The following TNN variants were observed in gnomAD, a reference collection of about 807,000 sequenced individuals.
TNN encodes the protein tenascin-N.
In TNN, 122 loss-of-function variants were observed where a neutral mutation model predicts 134.4. That is an observed-to-expected ratio of 0.91 (90% CI 0.78 to 1.06). TNN has a LOEUF of 1.06. Among genes scored for constraint, TNN ranks in the 50% least tolerant of loss-of-function variants. The pLI is 0.00. For missense variants in TNN, 1,739 were observed against 1,699.4 expected (o/e 1.02, Z -0.41); for synonymous variants, 710 against 670.3 (o/e 1.06, Z -0.91).
intron 17 of TNN, among the ~76,000 whole-genome samples, chr1:175,143,023 C>A (rs905973311): frequency 1.3e-5 from 2 of 152,112 alleles, no homozygotes; most frequent in Non-Finnish European, 2.9e-5. Flanking sequence ...TGCAAGAAGC[C>A]CCCCATTGAA....
In TNN at chr1:175,080,377, C is replaced by G. The variant is rs376474190; in HGVS notation, c.999C>G (p.Asn333Lys). 150 of 1,613,928 alleles carry G rather than the reference C, an allele frequency of 9.3e-5. No homozygotes were observed. Among genetic ancestry groups the G allele is most frequent in the Non-Finnish European group, 1.2e-4 (140 of 1,179,970 alleles). ...CCAAGTACATAGTCACCCTGCGTAA[C>G]GTCAAGAATGAAGTTTCTAGCAGCC... is the stretch of plus-strand genomic sequence containing the variant. The part of the protein sequence containing the change: ...PGTKYIVTLR[N>K]VKNEVSSSPQ... The change falls in exon 4 of 19, where the codon AAC becomes AAG. Residue 333 changes from asparagine to lysine, a missense_variant. Transcript: ENST00000239462.
At chr1:175,086,606 CT>C (rs1489289225) in intron 6 of TNN, among the ~76,000 whole-genome samples, 1 of 152,114 alleles carries the variant, frequency 6.6e-6, no homozygotes, top group Non-Finnish European at 1.5e-5. Context: ...CAATTCAGTC[CT>C]GGAAATAGCT....
At chr1:175,084,092 A>G (rs1392745810) in intron 5 of TNN, among the ~76,000 whole-genome samples, 157 bp downstream of exon 5, 1 of 152,232 alleles carries the variant, frequency 6.6e-6, no homozygotes, top group Non-Finnish European at 1.5e-5. Flanking sequence ...TCTGCCAGAC[A>G]TAAGCCCACC....
intron 10 of TNN, 60 bp from the exon 11 acceptor site, chr1:175,118,500 AC>A: frequency 3.8e-6 from 6 of 1,591,120 alleles, no homozygotes; most frequent in Non-Finnish European, 5.1e-6. Context: ...CAAAATGACC[AC>A]CAGTTTCTGC....
At chr1:175,092,802 C>A (rs763251) in intron 6 of TNN, among the ~76,000 whole-genome samples, 80,674 of 151,902 alleles carry the variant, frequency 0.53, 22,087 homozygotes, top group African/African-American at 0.68. Context: ...TACTTGGGCC[C>A]CAAGCCAACA....
chr1:175,141,894 A>C (rs1171654052), intron 17 of TNN, among the ~76,000 whole-genome samples: 2 of 152,166 alleles, frequency 1.3e-5, no homozygotes, highest in Non-Finnish European at 2.9e-5. Context: ...ATCCTTCTGC[A>C]GAAAAAGACC....
intron 9 of TNN, among the ~76,000 whole-genome samples, chr1:175,109,676 T>C (rs1224957581): frequency 6.8e-6 from 1 of 148,064 alleles, no homozygotes; most frequent in Non-Finnish European, 1.5e-5. Flanking sequence ...ATATATATTA[T>C]ATATATATAT....
intron 15 of TNN, among the ~76,000 whole-genome samples, chr1:175,131,910 GTAT>G (rs1030803564): frequency 2.9e-4 from 24 of 82,558 alleles, no homozygotes; most frequent in African/African-American, 1.3e-3. Context: ...CCCAGATGAA[GTAT>G]TATTACACAC....
Position 175,147,230 on chromosome 1 carries a change from A to AT in TNN, c.*164dup, listed in dbSNP as rs1676093088. Reference sequence around the variant, plus strand: ...TGGAGGTTCCTTCCCTCTCACCTGCATTTTTGCCCGTCTTTATGAGGGTCT... The same window carrying AT: ...TGGAGGTTCCTTCCCTCTCACCTGCATTTTTTGCCCGTCTTTATGAGGGTCT... On this transcript the variant is annotated 3_prime_UTR_variant, in exon 19 of 19. Coordinates refer to ENST00000239462, the MANE Select transcript of TNN (RefSeq NM_022093.2). 3 of 681,008 alleles carry AT rather than the reference A, an allele frequency of 4.4e-6. No homozygotes were observed. The highest frequency in any genetic ancestry group is 4.4e-6 in the Non-Finnish European group (2 of 458,192). The allele number at this position is 681,008 out of a possible 1,614,324, so 42.2% of individuals were successfully genotyped here.
chr1:175,091,755 A>AT (rs1191225627), intron 6 of TNN, among the ~76,000 whole-genome samples: 2 of 151,802 alleles, frequency 1.3e-5, no homozygotes, highest in African/African-American at 4.8e-5. Context: ...TGCCCGGCTA[A>AT]TTTTTTGTGT....
Position 175,136,814 on chromosome 1 carries a change from T to C in TNN, c.3428-7T>C. On this transcript the variant is annotated splice_polypyrimidine_tract_variant and splice_region_variant and intron_variant, in intron 16 of 18. Transcript: ENST00000239462. ...TTGATTATTGGAATTCCGTTTTTTA[T>C]TTTTAGGACTTGACAAGCTACACAA... is the stretch of plus-strand genomic sequence containing the variant. The C allele has an allele frequency of 1.2e-6, 2 of 1,612,502 alleles. No individual in the cohort carries two copies. Among genetic ancestry groups the C allele is most frequent in the Middle Eastern group, 1.7e-4 (1 of 6,044 alleles).
intron 17 of TNN, among the ~76,000 whole-genome samples, chr1:175,142,367 C>G (rs1305213722): frequency 6.6e-6 from 1 of 152,230 alleles, no homozygotes; most frequent in Non-Finnish European, 1.5e-5. Flanking sequence ...ACCCCACCCA[C>G]TCCAAAAACG....
chr1:175,133,247 T>A (rs1269694501), intron 15 of TNN, among the ~76,000 whole-genome samples: 1 of 152,240 alleles, frequency 6.6e-6, no homozygotes, highest in Non-Finnish European at 1.5e-5. Context: ...TTACTGTGAC[T>A]GGAACTGCCT....
intron 8 of TNN, 31 bp downstream of exon 8, chr1:175,097,714 G>A (rs370423545): frequency 2.1e-4 from 337 of 1,613,226 alleles, no homozygotes; most frequent in Non-Finnish European, 2.8e-4. Flanking sequence ...AATTGGAATT[G>A]AGTTTTAGCT....
intron 3 of TNN, 123 bp downstream of exon 3, chr1:175,079,830 C>T (rs1674157452): frequency 1.5e-6 from 2 of 1,328,216 alleles, no homozygotes; most frequent in Admixed American, 5.7e-5. Context: ...TTGCTGAGTC[C>T]CAACCCCAGA....
At chr1:175,141,332 T>C (rs1296503212) in intron 17 of TNN, among the ~76,000 whole-genome samples, 1 of 152,152 alleles carries the variant, frequency 6.6e-6, no homozygotes, top group African/African-American at 2.4e-5. Context: ...ACCAATGATT[T>C]ACAGCTGATT....
intron 2 of TNN, among the ~76,000 whole-genome samples, chr1:175,078,444 C>A (rs948180579): frequency 6.6e-6 from 1 of 152,128 alleles, no homozygotes; most frequent in African/African-American, 2.4e-5. Context: ...TCTCCCCCAA[C>A]GCAACCCCGT....
chr1:175,137,134 C>A, intron 17 of TNN, 146 bp downstream of exon 17: 1 of 857,168 alleles, frequency 1.2e-6, no homozygotes, highest in Non-Finnish European at 1.8e-6. Context: ...CTACTCTCTG[C>A]AGGGGGTCAG....
At chr1:175,136,062 G>A (rs977829196) in intron 16 of TNN, 121 bp downstream of exon 16, 23 of 723,786 alleles carry the variant, frequency 3.2e-5, no homozygotes, top group Middle Eastern at 3.9e-4. Flanking sequence ...CAGGGAGACA[G>A]AGGACTGTGC....
Sources: gnomAD v4.1 joint callset for allele counts (sites outside exome capture counted in the v4.1 genomes callset) on GRCh38, gnomAD v4.1.1 for gene constraint, MANE v1.5 for transcripts, NCBI Gene and HGNC (gene_info 2026-07-23, HGNC 2026-07-21) for gene names.